RTKN2: variants seen among roughly 807,000 people sequenced by gnomAD.
The protein encoded by RTKN2 is rhotekin-2.
Under a neutral mutation model 71.5 loss-of-function variants are expected in RTKN2, and 69 were observed. The observed-to-expected ratio is 0.96, with a 90% CI of 0.79 to 1.18. RTKN2 has a LOEUF of 1.18. RTKN2 is among the 50% of genes most tolerant of loss of function. The pLI is 0.00. For synonymous variants in RTKN2, 236 were observed against 236.5 expected (o/e 1.00, Z 0.02); for missense variants, 724 against 719.7 (o/e 1.01, Z -0.07).
At chr10:62,211,312 A>G (rs917445765) in intron 9 of RTKN2, among the ~76,000 whole-genome samples, 9 of 152,236 alleles carry the variant, frequency 5.9e-5, no homozygotes, top group African/African-American at 2.2e-4. Flanking sequence ...TGGGAGGGGA[A>G]TAGCTCTTAG....
At chr10:62,211,931 T>C (rs577854857) in intron 9 of RTKN2, among the ~76,000 whole-genome samples, 1 of 152,282 alleles carries the variant, frequency 6.6e-6, no homozygotes, top group Admixed American at 6.5e-5. Context: ...CCCAAAGTGC[T>C]GGGATTACAG....
rs141719856 is a variant in RTKN2, at chr10:62,205,574, C to T, written c.1021-552G>A. Among the ~76,000 whole-genome samples the T allele has an allele frequency of 7.3e-3, 1,106 of 152,096 alleles. 3 individuals are homozygous for T. Among genetic ancestry groups the T allele is most frequent in the Non-Finnish European group, 0.012 (786 of 67,946 alleles). The stretch of plus-strand genomic sequence containing the variant: ...TCATTAACATTTATTTTGTACGTAA[C>T]GTTCATTTACAAAGTTCATAGCTAA... On this transcript the variant is annotated intron_variant, in intron 9 of 11. Coordinates refer to ENST00000373789, the MANE Select transcript of RTKN2 (RefSeq NM_145307.4).
At position 62,239,672 on chromosome 10, in the gene RTKN2, A is replaced by G. The variant is rs748002410; in HGVS notation, c.464T>C (p.Ile155Thr). 8.0e-6 allele frequency: 12 copies of G among 1,502,872 alleles called. No individual in the cohort carries two copies. The highest frequency in any genetic ancestry group is 1.1e-5 in the Non-Finnish European group (12 of 1,096,120). 93.1% of individuals were successfully genotyped at this position (1,502,872 alleles called of 1,614,324 possible). The change falls in exon 5 of 12, where the codon ATA becomes ACA. Residue 155 changes from isoleucine to threonine, a missense_variant. Coordinates refer to ENST00000373789, the MANE Select transcript of RTKN2 (RefSeq NM_145307.4). ...VVNVDKTITDICFENVTIFNE... is the reference protein window; with the variant it reads ...VVNVDKTITDTCFENVTIFNE... Reference sequence around the variant, plus strand: ...CAATATGGTTACATTTTCAAAACATATATCTGTGATTGTTTTATCCACATT... The same window carrying G: ...CAATATGGTTACATTTTCAAAACATGTATCTGTGATTGTTTTATCCACATT...
At chr10:62,224,045 G>A (rs184377257) in intron 6 of RTKN2, among the ~76,000 whole-genome samples, 109 of 152,144 alleles carry the variant, frequency 7.2e-4, no homozygotes, top group Non-Finnish European at 1.1e-3. Flanking sequence ...GACATACTAC[G>A]ACATGGATGA....
chr10:62,229,865 A>G (rs1383137078), intron 6 of RTKN2, among the ~76,000 whole-genome samples: 2 of 152,198 alleles, frequency 1.3e-5, no homozygotes, highest in East Asian at 3.8e-4. Context: ...TCTATTTCCA[A>G]TGAATGACAC....
chr10:62,225,187 G>A (rs1241269973), intron 6 of RTKN2, among the ~76,000 whole-genome samples: 2 of 152,160 alleles, frequency 1.3e-5, no homozygotes, highest in East Asian at 3.9e-4. Context: ...GAAAACTCGA[G>A]GCTGACAAAA....
At chr10:62,223,024 C>T (rs142841215) in intron 7 of RTKN2, among the ~76,000 whole-genome samples, 1 of 152,116 alleles carries the variant, frequency 6.6e-6, no homozygotes. Flanking sequence ...ACCTGAGACC[C>T]TTCTTTTCCC....
Position 62,195,250 on chromosome 10 carries a change from C to G in RTKN2, c.*2658G>C. 2 of 982,064 alleles carry G rather than the reference C, an allele frequency of 2.0e-6. No individual in the cohort carries two copies. The highest frequency in any genetic ancestry group is 2.4e-6 in the Non-Finnish European group (2 of 826,956). 60.8% of individuals were successfully genotyped at this position (982,064 alleles called of 1,614,324 possible). ...TATTATCAAGAGCTGACAGCTAACTCTTTGTTTCAAGTTTATAGTCTTCAT... is the reference window on the plus strand; with the variant it reads ...TATTATCAAGAGCTGACAGCTAACTGTTTGTTTCAAGTTTATAGTCTTCAT... On this transcript the variant is annotated 3_prime_UTR_variant, in exon 12 of 12. Coordinates refer to ENST00000373789, the MANE Select transcript of RTKN2 (RefSeq NM_145307.4).
intron 5 of RTKN2, among the ~76,000 whole-genome samples, chr10:62,237,835 T>C (rs1000197556): frequency 4.0e-5 from 6 of 151,390 alleles, no homozygotes; most frequent in Non-Finnish European, 7.4e-5. Context: ...TAATCTAGTA[T>C]TGGCCTGGAA....
rs998655412 is a variant in RTKN2 at position 62,196,429 on chromosome 10, T to C, written c.*1479A>G. 2.0e-6 allele frequency: 2 copies of C among 985,296 alleles called. No homozygotes were observed. Among genetic ancestry groups the C allele is most frequent in the African/African-American group, 3.5e-5 (2 of 57,248 alleles). The allele number at this position is 985,296 out of a possible 1,614,324, so 61.0% of individuals were successfully genotyped here. A position where few individuals can be genotyped will look rare whatever the true frequency, so the allele number is the denominator to read the frequency against. Reference sequence around the variant, plus strand: ...CATTACTCCCTCAAGATTCAATTCTTACTAGGAGTCCTGGGCAAACACAAA... The same window carrying C: ...CATTACTCCCTCAAGATTCAATTCTCACTAGGAGTCCTGGGCAAACACAAA... On this transcript the variant is annotated 3_prime_UTR_variant, in exon 12 of 12. Transcript: ENST00000373789.
chr10:62,230,707 T>G (rs1312923092), intron 6 of RTKN2, among the ~76,000 whole-genome samples: 1 of 152,204 alleles, frequency 6.6e-6, no homozygotes, highest in African/African-American at 2.4e-5. Flanking sequence ...AGAATGTAAC[T>G]GACTTGCCTG....
chr10:62,199,270 T>C (rs1051225115), intron 11 of RTKN2, among the ~76,000 whole-genome samples: 4 of 152,180 alleles, frequency 2.6e-5, no homozygotes, highest in Admixed American at 6.5e-5. Flanking sequence ...AAATTGAATA[T>C]TAGTGGGTCT....
At chr10:62,265,730 T>A (rs946140538) in intron 1 of RTKN2, among the ~76,000 whole-genome samples, 1 of 152,166 alleles carries the variant, frequency 6.6e-6, no homozygotes, top group African/African-American at 2.4e-5. Context: ...CCAAAACTCT[T>A]TAGAGTTGTC....
downstream of RTKN2, among the ~76,000 whole-genome samples, chr10:62,191,576 G>A (rs996395199): frequency 6.6e-6 from 1 of 152,134 alleles, no homozygotes; most frequent in Non-Finnish European, 1.5e-5. Context: ...GTTTCCCAGT[G>A]GCAGGTAGGG....
chr10:62,256,370 A>T (rs1283053584), intron 2 of RTKN2, among the ~76,000 whole-genome samples: 1 of 152,174 alleles, frequency 6.6e-6, no homozygotes, highest in Non-Finnish European at 1.5e-5. Context: ...AAATAGGCAG[A>T]GTAATTAAAA....
chr10:62,239,755 G>T lies in RTKN2; in HGVS notation c.381C>A (p.Arg127=). Residue 127 remains arginine (R), a synonymous_variant, in exon 5 of 12, where the codon CGC becomes CGA. Transcript: ENST00000373789. ...TTTTGAATAAACAAAAAATGGCATA[G>T]CGTCGTGATCCTGGAGGAAAAATAA... ...DHFSNKERSR[R]YAIFCLFKMG... 6.4e-7 allele frequency: 1 copy of T among 1,569,966 alleles called. No individual in the cohort carries two copies. Among genetic ancestry groups the T allele is most frequent in the Non-Finnish European group, 8.7e-7 (1 of 1,147,594 alleles).
chr10:62,189,592 G>T (rs1190053144), downstream of RTKN2, among the ~76,000 whole-genome samples: 1 of 152,170 alleles, frequency 6.6e-6, no homozygotes, highest in Non-Finnish European at 1.5e-5. Flanking sequence ...TTGGAAGGCT[G>T]AGGCGGGCAG....
At position 62,262,765 on chromosome 10, in the gene RTKN2, C is replaced by G; in HGVS notation, c.117G>C (p.Trp39Cys). Residue 39 changes from tryptophan to cysteine, a missense_variant, in exon 2 of 12, where the codon TGG becomes TGC. Transcript: ENST00000373789. ...DLEIRMREGI[W>C]KLLSLSTQKD... ...TCTGAGTGCTCAGAGAAAGGAGTTT[C>G]CATATTCCTTCTCGCATTCGAATTT... is the stretch of plus-strand genomic sequence containing the variant. The G allele has an allele frequency of 6.2e-7, 1 of 1,612,848 alleles. No individual in the cohort carries two copies. The highest frequency in any genetic ancestry group is 8.5e-7 in the Non-Finnish European group (1 of 1,179,344).
chr10:62,221,880 CAA>C (rs910917770), intron 7 of RTKN2, among the ~76,000 whole-genome samples: 11 of 152,060 alleles, frequency 7.2e-5, no homozygotes, highest in African/African-American at 2.4e-4. Flanking sequence ...TGCAGAAATT[CAA>C]TAGATATAAG....
Sources: gnomAD v4.1 joint callset for allele counts (sites outside exome capture counted in the v4.1 genomes callset) on GRCh38, gnomAD v4.1.1 for gene constraint, MANE v1.5 for transcripts, NCBI Gene and HGNC (gene_info 2026-07-23, HGNC 2026-07-21) for gene names.